Variants in TMEM33 observed in about 807,000 individuals in gnomAD.
TMEM33 encodes the protein transmembrane protein 33.
Under a neutral mutation model 29.7 loss-of-function variants are expected in TMEM33, and 16 were observed. The ratio of observed to expected loss-of-function variants is 0.54; its 90% CI spans 0.36 to 0.82. TMEM33 has a LOEUF of 0.82. TMEM33 is among the 40% of genes least tolerant of loss of function. TMEM33 has a pLI of 0.00. For synonymous variants in TMEM33, 112 were observed against 109.4 expected (o/e 1.02, Z -0.15); for missense variants, 252 against 295.3 (o/e 0.85, Z 1.08).
In TMEM33 at chr4:41,953,974, T is replaced by TA. The variant is rs1347053241; in HGVS notation, c.615-90dup. 3 of 1,503,804 alleles carry TA rather than the reference T, an allele frequency of 2.0e-6. No homozygotes were observed. In the African/African-American group the frequency reaches 4.2e-5, roughly 21 times the overall value. 93.2% of individuals were successfully genotyped at this position (1,503,804 alleles called of 1,614,324 possible). Reference sequence around the variant, plus strand: ...GGTGTTGCAACAAACCTTCAATTTGTAAAAAATGAAATATCTATGGAGTAC... The same window carrying TA: ...GGTGTTGCAACAAACCTTCAATTTGTAAAAAAATGAAATATCTATGGAGTAC... On this transcript the variant is annotated intron_variant, in intron 6 of 6. Transcript: ENST00000504986.
At chr4:41,945,973 C>CAA (rs35896467) in intron 5 of TMEM33, among the ~76,000 whole-genome samples, 7 of 75,960 alleles carry the variant, frequency 9.2e-5, no homozygotes, top group Non-Finnish European at 1.6e-4. Flanking sequence ...TCTGTCTCAC[C>CAA]AAAAAAAAAA....
At chr4:41,947,941 TATTC>T (rs1321060903) in intron 5 of TMEM33, among the ~76,000 whole-genome samples, 1 of 152,204 alleles carries the variant, frequency 6.6e-6, no homozygotes, top group Non-Finnish European at 1.5e-5. Flanking sequence ...GCCACCCAAA[TATTC>T]ATTAGTACGG....
Position 41,939,218 on chromosome 4 carries a change from T to C in TMEM33, c.163T>C (p.Tyr55His), listed in dbSNP as rs1263279904. ...CAGGTTGCATGAAGCAGCAAGCTTT[T>C]ACCAACGTGCTTTGCTGGCAAATGC... Reference protein sequence around the residue: ...LLGLHEAASFYQRALLANALT... With the variant: ...LLGLHEAASFHQRALLANALT... Residue 55 changes from tyrosine (Y) to histidine (H), a missense_variant, in exon 3 of 7, where the codon TAC becomes CAC. Tyr to His is a moderately conservative substitution (Grantham distance 83). Coordinates refer to ENST00000504986, the MANE Select transcript of TMEM33 (RefSeq NM_018126.3). 2.5e-6 allele frequency: 4 copies of C among 1,601,680 alleles called. No homozygotes were observed. Among genetic ancestry groups the C allele is most frequent in the Non-Finnish European group, 3.4e-6 (4 of 1,176,480 alleles).
chr4:41,937,055 A>ATT (rs78394595), intron 1 of TMEM33, among the ~76,000 whole-genome samples: 5,156 of 140,132 alleles, frequency 0.037, 210 homozygotes, highest in African/African-American at 0.098. Flanking sequence ...AGATCTAGTG[A>ATT]TTTTTTTTTT....
In TMEM33 at chr4:41,945,400, T is replaced by A. The variant is rs114500194; in HGVS notation, c.530+474T>A. 4.2e-3 allele frequency among the ~76,000 whole-genome samples: 645 copies of A among 152,292 alleles called. 5 individuals are homozygous for A. The highest frequency in any genetic ancestry group is 0.014 in the African/African-American group (602 of 41,574). ...TAGTATTGACCTCTGCATTGAAATT[T>A]TTGCATTACATTTTAAAACAATACA... On this transcript the variant is annotated intron_variant, in intron 5 of 6. Transcript: ENST00000504986.
chr4:41,939,523 G>A (rs769661774), intron 3 of TMEM33, 140 bp downstream of exon 3: 9 of 900,646 alleles, frequency 1.0e-5, no homozygotes, highest in South Asian at 4.9e-5. Context: ...TATGTTTAGT[G>A]TAAGAATTTC....
rs1713394505 is a variant in TMEM33 at position 41,959,401 on chromosome 4, T to C, written c.*5202T>C. 1 of 152,226 alleles carries C rather than the reference T, an allele frequency of 6.6e-6. No homozygotes were observed. Among genetic ancestry groups the C allele is most frequent in the Non-Finnish European group, 1.5e-5 (1 of 68,040 alleles). 9.4% of individuals were successfully genotyped at this position (152,226 alleles called of 1,614,324 possible). On this transcript the variant is annotated 3_prime_UTR_variant, in exon 7 of 7. Transcript: ENST00000504986. ...ATCTGACCTGCAGTGTCAGTTGATG[T>C]GACAAGAGATAAAGAAAGCACAGTA...
intron 3 of TMEM33, among the ~76,000 whole-genome samples, chr4:41,942,552 A>G (rs917426775): frequency 3.8e-4 from 58 of 152,186 alleles, no homozygotes; most frequent in African/African-American, 1.3e-3. Flanking sequence ...GAAAAATACA[A>G]TGGTTCATTT....
At chr4:41,935,636 G>A in intron 1 of TMEM33, 107 bp downstream of exon 1, 1 of 1,150,446 alleles carries the variant, frequency 8.7e-7, no homozygotes, top group South Asian at 1.4e-5. Context: ...TTCAGGAATG[G>A]GATTAATGAG....
In TMEM33 at chr4:41,942,547, A is replaced by C. The variant is rs1453006719; in HGVS notation, c.329-1200A>C. Among the ~76,000 whole-genome samples, 3 of 152,194 alleles carry C rather than the reference A, an allele frequency of 2.0e-5. No homozygotes were observed. In the East Asian group the frequency reaches 5.8e-4, roughly 29 times the overall value. On this transcript the variant is annotated intron_variant, in intron 3 of 6. Coordinates refer to ENST00000504986, the MANE Select transcript of TMEM33 (RefSeq NM_018126.3). ...TTAGGCCTTCAGTTAGTATAGAAAA[A>C]TACAATGGTTCATTTCTTAGGAACT...
chr4:41,936,636 G>A (rs1436203748), intron 1 of TMEM33, among the ~76,000 whole-genome samples: 1 of 152,124 alleles, frequency 6.6e-6, no homozygotes, highest in African/African-American at 2.4e-5. Flanking sequence ...AGGAGGCTGA[G>A]GTGGGTTGTG....
intron 3 of TMEM33, among the ~76,000 whole-genome samples, chr4:41,940,489 A>T (rs1306883441): frequency 2.0e-5 from 3 of 152,078 alleles, no homozygotes; most frequent in Non-Finnish European, 4.4e-5. Context: ...AGGAAACCGA[A>T]ATTTCCTGAG....
intron 3 of TMEM33, among the ~76,000 whole-genome samples, chr4:41,941,060 G>C (rs1712520830): frequency 6.6e-6 from 1 of 152,090 alleles, no homozygotes; most frequent in Non-Finnish European, 1.5e-5. Flanking sequence ...GGTAAACCTG[G>C]TAATTTCATT....
intron 5 of TMEM33, among the ~76,000 whole-genome samples, chr4:41,948,016 G>A (rs539667353): frequency 3.3e-5 from 5 of 152,186 alleles, no homozygotes; most frequent in East Asian, 1.9e-4. Context: ...AAAAGATTGC[G>A]GTAATTTATG....
At chr4:41,950,555 G>C (rs1712996391) in intron 6 of TMEM33, among the ~76,000 whole-genome samples, 1 of 152,020 alleles carries the variant, frequency 6.6e-6, no homozygotes, top group South Asian at 2.1e-4. Flanking sequence ...ATTATTCTAT[G>C]ATCTGATTTT....
At chr4:41,937,480 C>G (rs902411416) in intron 1 of TMEM33, among the ~76,000 whole-genome samples, 6 of 151,674 alleles carry the variant, frequency 4.0e-5, no homozygotes, top group Non-Finnish European at 8.8e-5. Flanking sequence ...GGATTTTTCC[C>G]TCAAATTTTT....
chr4:41,949,876 T>C (rs1577654371), intron 6 of TMEM33, among the ~76,000 whole-genome samples: 2 of 152,026 alleles, frequency 1.3e-5, no homozygotes. Flanking sequence ...AGCTTTTGAA[T>C]AGGGAAAAGC....
rs1423254160 is a variant in TMEM33 at position 41,958,233 on chromosome 4, ACTC to A, written c.*4037_*4039del. The A allele has an allele frequency of 6.6e-6, 1 of 151,566 alleles. No individual in the cohort carries two copies. The allele number at this position is 151,566 out of a possible 1,614,324, so 9.4% of individuals were successfully genotyped here. ...ACCATGTTGGCCAGGCTGGTCTTGAACTCCTGACCTCGTGATCCCCCCACCTCG... is the reference window on the plus strand; with the variant it reads ...ACCATGTTGGCCAGGCTGGTCTTGAACTGACCTCGTGATCCCCCCACCTCG... On this transcript the variant is annotated 3_prime_UTR_variant, in exon 7 of 7. Transcript: ENST00000504986.
chr4:41,942,124 C>T (rs753271879), intron 3 of TMEM33, among the ~76,000 whole-genome samples: 9 of 152,106 alleles, frequency 5.9e-5, no homozygotes, highest in Non-Finnish European at 1.0e-4. Context: ...CTGACACTGC[C>T]CCTTTTATTG....
Sources: allele counts gnomAD v4.1 joint callset (sites outside exome capture counted in the v4.1 genomes callset), GRCh38; gene constraint gnomAD v4.1.1; transcripts MANE v1.5; gene names NCBI Gene and HGNC (gene_info 2026-07-23, HGNC 2026-07-21).